The following PCDHGA4 variants were observed in gnomAD, a reference collection of about 807,000 sequenced individuals.
The protein encoded by PCDHGA4 is protocadherin gamma subfamily A, 4.
PCDHGA4 carries 38 observed loss-of-function variants against 54.6 expected under a neutral mutation model. The observed-to-expected ratio is 0.70, with a 90% CI of 0.54 to 0.91. The LOEUF is 0.91. PCDHGA4 is among the 40% of genes least tolerant of loss of function. PCDHGA4 has a pLI of 0.00. For synonymous variants in PCDHGA4, 511 were observed against 512.9 expected (o/e 1.00, Z 0.05); for missense variants, 1,298 against 1,220.9 (o/e 1.06, Z -0.94).
intron 1 of PCDHGA4, among the ~76,000 whole-genome samples, chr5:141,455,902 TA>T (rs2098836291): frequency 6.7e-6 from 1 of 149,860 alleles, no homozygotes. Context: ...TTTATTTATT[TA>T]TTTATTTATT....
At chr5:141,418,933 G>A in intron 1 of PCDHGA4, 2 of 1,614,010 alleles carry the variant, frequency 1.2e-6, no homozygotes, top group Non-Finnish European at 1.7e-6. Flanking sequence ...AGATTATGGA[G>A]GATTCCCCTC....
chr5:141,366,544 G>A (rs368873957), intron 1 of PCDHGA4: 4 of 1,614,230 alleles, frequency 2.5e-6, no homozygotes, highest in Admixed American at 1.7e-5. Flanking sequence ...TGCCCGCCTC[G>A]CACTTTGTGG....
At chr5:141,358,990 A>G (rs552120957) in intron 1 of PCDHGA4, among the ~76,000 whole-genome samples, 2 of 152,376 alleles carry the variant, frequency 1.3e-5, no homozygotes, top group Non-Finnish European at 2.9e-5. Context: ...TCATGAATGC[A>G]TATGCTTACA....
intron 1 of PCDHGA4, chr5:141,419,308 C>G: frequency 6.2e-7 from 1 of 1,614,026 alleles, no homozygotes; most frequent in Non-Finnish European, 8.5e-7. Flanking sequence ...ACTTCGGGCT[C>G]AACGGCCGTG....
intron 1 of PCDHGA4, chr5:141,361,785 G>A: frequency 6.2e-7 from 1 of 1,613,268 alleles, no homozygotes; most frequent in Admixed American, 1.7e-5. Flanking sequence ...GCCTGCGCGT[G>A]TTAGTGGGCG....
chr5:141,478,941 A>G (rs889484528), intron 1 of PCDHGA4: 2 of 589,470 alleles, frequency 3.4e-6, no homozygotes, highest in Non-Finnish European at 5.6e-6. Context: ...TTCTAGGAAT[A>G]CAAAAACTAC....
intron 1 of PCDHGA4, chr5:141,400,694 C>T: frequency 1.3e-6 from 1 of 763,776 alleles, no homozygotes; most frequent in South Asian, 1.9e-5. Context: ...GTTTTTATGT[C>T]GCATAAAAGA....
chr5:141,500,367 C>A (rs953610460), intron 2 of PCDHGA4, among the ~76,000 whole-genome samples: 7 of 151,940 alleles, frequency 4.6e-5, no homozygotes, highest in African/African-American at 1.7e-4. Context: ...CACTACCACG[C>A]CCGGCTAATT....
chr5:141,386,970 C>T (rs767088472), intron 1 of PCDHGA4, among the ~76,000 whole-genome samples: 17 of 152,108 alleles, frequency 1.1e-4, no homozygotes, highest in Non-Finnish European at 2.1e-4. Flanking sequence ...ATCTCAGTGA[C>T]TTTGTGTTTT....
At chr5:141,385,487 A>G in intron 1 of PCDHGA4, 1 of 1,416,436 alleles carries the variant, frequency 7.1e-7, no homozygotes, top group Admixed American at 3.0e-5. Flanking sequence ...TATAGAACAC[A>G]TAGGATATAG....
intron 1 of PCDHGA4, chr5:141,371,970 C>A: frequency 6.2e-7 from 1 of 1,613,250 alleles, no homozygotes; most frequent in Non-Finnish European, 8.5e-7. Context: ...CGAGCAGCTG[C>A]GTGCCTTCGA....
intron 1 of PCDHGA4, chr5:141,367,040 T>C: frequency 2.8e-6 from 1 of 353,316 alleles, no homozygotes; most frequent in Non-Finnish European, 5.1e-6. Flanking sequence ...TGCAGTTCTA[T>C]TAATAGAAAA....
intron 1 of PCDHGA4, chr5:141,405,312 A>G: frequency 1.2e-6 from 2 of 1,614,208 alleles, no homozygotes; most frequent in Non-Finnish European, 8.5e-7. Context: ...AGCTGTGAGA[A>G]AAATGAGCCT....
In PCDHGA4 at chr5:141,494,676, C is replaced by T. The variant is rs2099755997; in HGVS notation, c.2515-131C>T. On this transcript the variant is annotated intron_variant, in intron 1 of 3. Transcript: ENST00000571252. ...TTTGTCTTTGGAGATGAGTCCACCCCTGCCCCCTCTTAGTCCGTTTTCTTC... is the reference window on the plus strand; with the variant it reads ...TTTGTCTTTGGAGATGAGTCCACCCTTGCCCCCTCTTAGTCCGTTTTCTTC... 1.7e-5 allele frequency: 26 copies of T among 1,550,800 alleles called. No individual in the cohort carries two copies. In the South Asian group the frequency reaches 3.0e-4, roughly 18 times the overall value.
chr5:141,450,828 TA>T lies in PCDHGA4; in HGVS notation c.2515-43978del, dbSNP rs1427656987. Among the ~76,000 whole-genome samples the T allele has an allele frequency of 7.8e-4, 110 of 141,058 alleles. 1 individual carries two copies. The highest frequency in any genetic ancestry group is 1.8e-3 in the African/African-American group (65 of 36,868). The allele number at this position is 141,058 out of a possible 152,430, so 92.5% of individuals were successfully genotyped here. A position where few individuals can be genotyped will look rare whatever the true frequency, so the allele number is the denominator to read the frequency against. ...TTTATTTATTTAATATTATTATTAT[TA>T]TTTTTTTTTTTTTGAGATGGGGTCT... On this transcript the variant is annotated intron_variant, in intron 1 of 3. Transcript: ENST00000571252.
chr5:141,449,943 C>G (rs1561937416), intron 1 of PCDHGA4, among the ~76,000 whole-genome samples: 1 of 151,186 alleles, frequency 6.6e-6, no homozygotes, highest in African/African-American at 2.4e-5. Flanking sequence ...GTATATTTTA[C>G]TATACCTCAT....
chr5:141,389,928 C>G, intron 1 of PCDHGA4: 1 of 1,614,066 alleles, frequency 6.2e-7, no homozygotes, highest in Non-Finnish European at 8.5e-7. Flanking sequence ...CCCCTCTGAC[C>G]TCCAGGCTGA....
chr5:141,470,019 C>G (rs2099219272), intron 1 of PCDHGA4, among the ~76,000 whole-genome samples: 1 of 152,154 alleles, frequency 6.6e-6, no homozygotes, highest in South Asian at 2.1e-4. Context: ...ATCCCAGCTA[C>G]TCGGGATGCT....
rs61612330 is a variant in PCDHGA4 at position 141,454,796 on chromosome 5, ATTTTTTTT to A, written c.2515-39989_2515-39982del. Reference sequence around the variant, plus strand: ...AAGGAAATAATCCTCCATGGTTCTAATTTTTTTTTTTTTTTTTTTTTTTTTTTTTGAGA... The same window carrying A: ...AAGGAAATAATCCTCCATGGTTCTAATTTTTTTTTTTTTTTTTTTTTGAGA... On this transcript the variant is annotated intron_variant, in intron 1 of 3. Transcript: ENST00000571252. Among the ~76,000 whole-genome samples, 398 of 77,454 alleles carry A rather than the reference ATTTTTTTT, an allele frequency of 5.1e-3. 2 individuals are homozygous for A. The highest frequency in any genetic ancestry group is 0.021 in the African/African-American group (363 of 16,886). 50.8% of individuals were successfully genotyped at this position (77,454 alleles called of 152,430 possible).
Sources: gnomAD v4.1 joint callset for allele counts (sites outside exome capture counted in the v4.1 genomes callset) on GRCh38, gnomAD v4.1.1 for gene constraint, MANE v1.5 for transcripts, NCBI Gene and HGNC (gene_info 2026-07-23, HGNC 2026-07-21) for gene names.